Variants in MACF1 observed in about 807,000 individuals in gnomAD.
MACF1 encodes microtubule actin crosslinking factor 1, also known as microtubule-actin cross-linking factor 1.
A neutral mutation model predicts 854.8 loss-of-function variants in MACF1; 193 were observed. The ratio of observed to expected loss-of-function variants is 0.23; its 90% confidence interval spans 0.20 to 0.25. The LOEUF (loss-of-function observed/expected upper bound fraction) is 0.25, where lower values mean the gene tolerates loss of function less well. MACF1 is among the 10% of genes least tolerant of loss of function. The probability of loss-of-function intolerance (pLI) is 1.00; values close to 1 mark genes in which losing one functional copy is unlikely to be tolerated. For missense variants in MACF1, 7,722 were observed against 8,929.1 expected (o/e 0.86, Z 5.45); for synonymous variants, 3,185 against 3,226.7 (o/e 0.99, Z 0.44).
chr1:39,427,718 T>C, intron 62 of MACF1, 104 bp downstream of exon 62: 1 of 1,186,704 alleles, frequency 8.4e-7, no homozygotes. Context: ...TTTGTGGGTT[T>C]AACTTAAAAT....
chr1:39,424,033 C>T lies in MACF1; in HGVS notation c.16155C>T (p.Leu5385=). ...TTTCATTCTCTTTATAATAGTTGCT[C>T]CAGCGGCTCCTAGATGATCGAAAGG... The part of the protein sequence containing the change: ...VKAQIQEQKL[L]QRLLDDRKAT... The change falls in exon 61 of 101, where the codon CTC becomes CTT. Residue 5385 remains leucine, a synonymous_variant. Transcript: ENST00000564288. 6.2e-7 allele frequency: 1 copy of T among 1,609,944 alleles called. No individual in the cohort carries two copies. The highest frequency in any genetic ancestry group is 8.5e-7 in the Non-Finnish European group (1 of 1,178,444).
chr1:39,108,050 T>A (rs1642292792), intron 2 of MACF1, among the ~76,000 whole-genome samples: 1 of 131,710 alleles, frequency 7.6e-6, no homozygotes. Flanking sequence ...TTGGCAACCA[T>A]TTTTTTTTTT....
chr1:39,297,172 C>T (rs1467503296), intron 20 of MACF1, among the ~76,000 whole-genome samples: 1 of 152,126 alleles, frequency 6.6e-6, no homozygotes, highest in Non-Finnish European at 1.5e-5. Context: ...GTGATCTGCC[C>T]GCCTTGGCCT....
At position 39,458,510 on chromosome 1, in the gene MACF1, T is replaced by TG; in HGVS notation, c.21196+21dup. 6.2e-7 allele frequency: 1 copy of TG among 1,600,364 alleles called. No homozygotes were observed. The highest frequency in any genetic ancestry group is 8.5e-7 in the Non-Finnish European group (1 of 1,173,550). ...GAGGCAGTATGTTTCCAGCCCCCTG[T>TG]GTTAGGATGCTTCATTCCTGCTAAT... On this transcript the variant is annotated intron_variant, in intron 90 of 100. Coordinates refer to ENST00000564288, the MANE Select transcript of MACF1 (RefSeq NM_001394062.1).
chr1:39,306,755 A>G (rs929725234), intron 23 of MACF1, among the ~76,000 whole-genome samples: 7 of 151,838 alleles, frequency 4.6e-5, no homozygotes, highest in South Asian at 4.2e-4. Flanking sequence ...ACACTCTCCA[A>G]TGCCTTACTG....
intron 38 of MACF1, 22 bp downstream of exon 38, chr1:39,337,353 C>T (rs533425407): frequency 2.4e-5 from 39 of 1,609,534 alleles, no homozygotes; most frequent in Non-Finnish European, 3.1e-5. Flanking sequence ...GAGACTTCCA[C>T]CACAGACACC....
chr1:39,353,063 T>C lies in MACF1; in HGVS notation c.11256T>C (p.Asp3752=). ...AGAAGAAGATCGATGCTCTCCTGGA[T>C]TGGGTAACTTCAGTAGGATCATCTG... ...ENKKKIDALL[D]WVTSVGSSGG... is the part of the protein sequence containing the mutation. The change falls in exon 44 of 101, where the codon GAT becomes GAC. Residue 3752 remains aspartate, a synonymous_variant. Coordinates refer to ENST00000564288, the MANE Select transcript of MACF1 (RefSeq NM_001394062.1). 6.2e-7 allele frequency: 1 copy of C among 1,614,092 alleles called. No homozygotes were observed. Among genetic ancestry groups the C allele is most frequent in the Non-Finnish European group, 8.5e-7 (1 of 1,180,008 alleles).
chr1:39,099,258 C>T (rs113603865), intron 2 of MACF1, among the ~76,000 whole-genome samples: 24,882 of 152,148 alleles, frequency 0.16, 2,562 homozygotes, highest in Middle Eastern at 0.24. Context: ...TGGGTTCAAG[C>T]GATTCTCCTG....
intron 40 of MACF1, among the ~76,000 whole-genome samples, chr1:39,344,040 G>A (rs141598551): frequency 0.024 from 3,699 of 151,334 alleles, 113 homozygotes; most frequent in East Asian, 0.16. Context: ...ACTTGAACCC[G>A]GGAGGCAGAG....
intron 97 of MACF1, among the ~76,000 whole-genome samples, chr1:39,470,259 C>T (rs1011599574): frequency 6.6e-6 from 1 of 152,148 alleles, no homozygotes; most frequent in South Asian, 2.1e-4. Flanking sequence ...TTCAGATATG[C>T]CCCTAAGTAG....
chr1:39,380,190 C>T, intron 54 of MACF1, 54 bp from the exon 55 acceptor site: 1 of 1,581,806 alleles, frequency 6.3e-7, no homozygotes, highest in East Asian at 2.3e-5. Flanking sequence ...ACCACACACA[C>T]AACTTTGTTT....
rs1641859621 is a variant in MACF1, at chr1:39,387,741, G to A, written c.14899G>A (p.Asp4967Asn). The A allele has an allele frequency of 3.7e-6, 6 of 1,614,034 alleles. No individual in the cohort carries two copies. The East Asian group carries it at 6.7e-5, about 18-fold the overall frequency. The change falls in exon 58 of 101, where the codon GAC (aspartate) becomes AAC (asparagine). Residue 4967 changes from aspartate (D) to asparagine (N), a missense_variant. Coordinates refer to ENST00000564288, the MANE Select transcript of MACF1 (RefSeq NM_001394062.1). ...SLLEILNSAA[D>N]ILINSSEADE... is the part of the protein sequence containing the mutation. ...GCTGGAAATATTGAATAGTGCTGCT[G>A]ACATTCTGATCAATTCTTCAGAAGC...
chr1:39,469,839 T>C lies in MACF1; in HGVS notation c.21958+224T>C, dbSNP rs759329413. On this transcript the variant is annotated intron_variant, in intron 97 of 100. Coordinates refer to ENST00000564288, the MANE Select transcript of MACF1 (RefSeq NM_001394062.1). ...TGAGTTTCTATTTAACAAATACTTA[T>C]ATAGTTTTATGTGCCACACACTATT... 3.3e-4 allele frequency among the ~76,000 whole-genome samples: 50 copies of C among 152,378 alleles called. 1 individual carries two copies. In the Middle Eastern group the frequency reaches 0.01, roughly 31 times the overall value.
chr1:39,282,126 G>C, intron 6 of MACF1, 82 bp from the exon 7 acceptor site: 1 of 1,438,788 alleles, frequency 7.0e-7, no homozygotes, highest in Non-Finnish European at 9.5e-7. Flanking sequence ...GTTTTACTAA[G>C]AGCCATAATG....
intron 15 of MACF1, 68 bp from the exon 16 acceptor site, chr1:39,291,842 T>G: frequency 6.5e-7 from 1 of 1,528,300 alleles, no homozygotes; most frequent in Non-Finnish European, 8.8e-7. Flanking sequence ...TGTCCTAACA[T>G]TGGTTCTGAC....
chr1:39,337,063 A>G, intron 37 of MACF1, 119 bp from the exon 38 acceptor site: 1 of 863,862 alleles, frequency 1.2e-6, no homozygotes, highest in East Asian at 2.5e-5. Context: ...GTTTTATTTT[A>G]TCCCACTCTA....
At chr1:39,351,312 CT>C (rs1199417886) in intron 43 of MACF1, among the ~76,000 whole-genome samples, 1 of 152,114 alleles carries the variant, frequency 6.6e-6, no homozygotes. Context: ...GTCACCACAC[CT>C]AGCTAATTTT....
At chr1:39,478,298 C>T (rs1029019158) in intron 97 of MACF1, among the ~76,000 whole-genome samples, 1 of 152,116 alleles carries the variant, frequency 6.6e-6, no homozygotes, top group Non-Finnish European at 1.5e-5. Context: ...CCACTTCGCC[C>T]GGCCAAGGGT....
chr1:39,477,075 A>ATATACACCTACTG (rs1557675014), intron 97 of MACF1, among the ~76,000 whole-genome samples: 1 of 51,308 alleles, frequency 1.9e-5, no homozygotes. Context: ...ATATATATAT[A>ATATACACCTACTG]TATATATATA....
Sources: gnomAD v4.1 joint callset for allele counts (sites outside exome capture counted in the v4.1 genomes callset) on GRCh38, gnomAD v4.1.1 for gene constraint, MANE v1.5 for transcripts, NCBI Gene and HGNC (gene_info 2026-07-23, HGNC 2026-07-21) for gene names.